SDK1: variants seen among roughly 807,000 people sequenced by gnomAD.
SDK1 encodes the protein sidekick cell adhesion molecule 1, also known as protein sidekick-1.
SDK1 carries 157 observed loss-of-function variants against 245.5 expected under a neutral mutation model. That is an observed-to-expected ratio of 0.64 (90% CI 0.56 to 0.73). The LOEUF (loss-of-function observed/expected upper bound fraction) is 0.73. Among genes scored for constraint, SDK1 ranks in the 30% least tolerant of loss-of-function variants. The probability of loss-of-function intolerance (pLI) is 0.00; values close to 1 mark genes in which losing one functional copy is unlikely to be tolerated. For synonymous variants in SDK1, 1,647 were observed against 1,278.5 expected, an observed-to-expected ratio of 1.29 and a Z score of -6.15; for missense variants, 3,583 against 3,002.3, an observed-to-expected ratio of 1.19 and a Z score of -4.52.
chr7:3,489,036 G>T (rs1236369644), intron 1 of SDK1, among the ~76,000 whole-genome samples: 1 of 152,092 alleles, frequency 6.6e-6, no homozygotes, highest in Non-Finnish European at 1.5e-5. Context: ...TATCACCAGG[G>T]GTAGTAGAGT....
At chr7:3,559,119 T>C (rs1289137276) in intron 1 of SDK1, among the ~76,000 whole-genome samples, 1 of 152,196 alleles carries the variant, frequency 6.6e-6, no homozygotes, top group African/African-American at 2.4e-5. Flanking sequence ...TTGAAGCCAT[T>C]AGTGTGTAAG....
chr7:4,226,744 T>C (rs1263109598), intron 40 of SDK1, among the ~76,000 whole-genome samples: 1 of 152,216 alleles, frequency 6.6e-6, no homozygotes, highest in Non-Finnish European at 1.5e-5. Flanking sequence ...AACTATGCAC[T>C]GGACATATGC....
intron 1 of SDK1, among the ~76,000 whole-genome samples, chr7:3,416,041 G>A (rs1436470481): frequency 1.3e-5 from 2 of 152,146 alleles, no homozygotes; most frequent in South Asian, 2.1e-4. Flanking sequence ...GATGGTGTGT[G>A]CAAATAAGCA....
chr7:3,522,937 A>T (rs1232927497), intron 1 of SDK1, among the ~76,000 whole-genome samples: 1 of 152,274 alleles, frequency 6.6e-6, no homozygotes, highest in African/African-American at 2.4e-5. Flanking sequence ...ATTTCAGTAA[A>T]GGTTAGGGGC....
intron 22 of SDK1, among the ~76,000 whole-genome samples, chr7:4,080,958 T>A (rs902722802): frequency 1.3e-5 from 2 of 152,224 alleles, no homozygotes; most frequent in African/African-American, 4.8e-5. Flanking sequence ...GGATTAAATA[T>A]AGGACAAGAA....
At chr7:3,629,156 C>G (rs1000293140) in intron 2 of SDK1, among the ~76,000 whole-genome samples, 2 of 151,288 alleles carry the variant, frequency 1.3e-5, no homozygotes, top group Non-Finnish European at 2.9e-5. Flanking sequence ...AAAAAATTAG[C>G]CGGGCATGGT....
chr7:3,323,115 T>C (rs1460613649), intron 1 of SDK1, among the ~76,000 whole-genome samples: 1 of 152,160 alleles, frequency 6.6e-6, no homozygotes, highest in East Asian at 1.9e-4. Context: ...TTTTGCCCTT[T>C]TGTTTGCAGG....
chr7:4,108,691 C>T (rs1358893447), intron 22 of SDK1, among the ~76,000 whole-genome samples: 1 of 152,180 alleles, frequency 6.6e-6, no homozygotes, highest in Non-Finnish European at 1.5e-5. Flanking sequence ...ATTCACCTCA[C>T]ATAAAATTAA....
At chr7:3,913,999 C>T (rs1779280280) in intron 5 of SDK1, among the ~76,000 whole-genome samples, 1 of 152,180 alleles carries the variant, frequency 6.6e-6, no homozygotes. Flanking sequence ...GCCTGCTTTT[C>T]TGAAAGCTTC....
chr7:4,152,099 C>T (rs1164532539), intron 30 of SDK1, among the ~76,000 whole-genome samples: 4 of 152,210 alleles, frequency 2.6e-5, no homozygotes, highest in Non-Finnish European at 4.4e-5. Flanking sequence ...AGGGCTGGAG[C>T]GGGGATCCTG....
At chr7:3,732,250 C>T (rs962868968) in intron 4 of SDK1, among the ~76,000 whole-genome samples, 6 of 152,004 alleles carry the variant, frequency 3.9e-5, no homozygotes, top group African/African-American at 1.2e-4. Flanking sequence ...CGTGGGAAAA[C>T]GGCTGATTTT....
At chr7:3,748,639 C>T (rs1459572171) in intron 4 of SDK1, among the ~76,000 whole-genome samples, 1 of 152,166 alleles carries the variant, frequency 6.6e-6, no homozygotes, top group Non-Finnish European at 1.5e-5. Flanking sequence ...AATTCTAATA[C>T]ATGTTCAGTT....
rs759487745 is a variant in SDK1, at chr7:4,158,460, C to T, written c.4638C>T (p.Phe1546=). The change falls in exon 31 of 45, where the codon TTC becomes TTT. Residue 1546 remains phenylalanine (F), a synonymous_variant. Coordinates refer to ENST00000404826, the MANE Select transcript of SDK1 (RefSeq NM_152744.4). ...TTCCACATTGCAGACTGAGGCCCTT[C>T]ACCTCCTACAAGCTGCGCCTGAAAG... ...TACVVDRLRP[F]TSYKLRLKAT... The T allele has an allele frequency of 1.2e-6, 2 of 1,613,364 alleles. No homozygotes were observed. Among genetic ancestry groups the T allele is most frequent in the Non-Finnish European group, 1.7e-6 (2 of 1,179,810 alleles).
chr7:3,710,363 A>G (rs1785014866), intron 4 of SDK1, among the ~76,000 whole-genome samples: 1 of 152,218 alleles, frequency 6.6e-6, no homozygotes, highest in Non-Finnish European at 1.5e-5. Flanking sequence ...TTGACTGGTT[A>G]TTCTGTTGTT....
At chr7:3,570,133 G>A (rs927584740) in intron 1 of SDK1, among the ~76,000 whole-genome samples, 1 of 152,178 alleles carries the variant, frequency 6.6e-6, no homozygotes, top group African/African-American at 2.4e-5. Flanking sequence ...GCCTTGGACT[G>A]CATGTTTCCT....
intron 4 of SDK1, among the ~76,000 whole-genome samples, chr7:3,754,427 T>C (rs891923667): frequency 6.6e-6 from 1 of 152,224 alleles, no homozygotes; most frequent in African/African-American, 2.4e-5. Context: ...AACTCTTTTA[T>C]TGAAGCATTA....
intron 1 of SDK1, among the ~76,000 whole-genome samples, chr7:3,444,108 T>C (rs1384701874): frequency 1.3e-5 from 2 of 152,236 alleles, no homozygotes; most frequent in East Asian, 3.8e-4. Flanking sequence ...CGTTGCTGTT[T>C]CCCTTTTTAC....
At chr7:3,568,314 C>T (rs1331015016) in intron 1 of SDK1, among the ~76,000 whole-genome samples, 1 of 152,148 alleles carries the variant, frequency 6.6e-6, no homozygotes, top group African/African-American at 2.4e-5. Context: ...AATGTCCCAG[C>T]CTCCCTCCAG....
At chr7:4,246,349 C>G (rs145396065) in intron 44 of SDK1, among the ~76,000 whole-genome samples, 1 of 152,246 alleles carries the variant, frequency 6.6e-6, no homozygotes, top group Non-Finnish European at 1.5e-5. Context: ...ACAGATGGAG[C>G]CGGCAGGGCT....
Sources: allele counts gnomAD v4.1 joint callset (sites outside exome capture counted in the v4.1 genomes callset), GRCh38; gene constraint gnomAD v4.1.1; transcripts MANE v1.5; gene names NCBI Gene and HGNC (gene_info 2026-07-23, HGNC 2026-07-21).